The following PARD3B variants were observed in gnomAD, a reference collection of about 807,000 sequenced individuals.
PARD3B encodes the protein par-3 family cell polarity regulator beta, also known as partitioning defective 3 homolog B.
A neutral mutation model predicts 130.2 loss-of-function variants in PARD3B; 103 were observed. The ratio of observed to expected loss-of-function variants is 0.79; its 90% CI spans 0.67 to 0.93. The LOEUF is 0.93. Among genes scored for constraint, PARD3B ranks in the 40% least tolerant of loss-of-function variants. The probability of loss-of-function intolerance (pLI) is 0.00; values close to 1 mark genes in which losing one functional copy is unlikely to be tolerated. For synonymous variants in PARD3B, 583 were observed against 553.2 expected, an observed-to-expected ratio of 1.05 and a Z score of -0.76; for missense variants, 1,609 against 1,499.2, an observed-to-expected ratio of 1.07 and a Z score of -1.21.
intron 15 of PARD3B, among the ~76,000 whole-genome samples, chr2:205,212,891 T>C (rs1422964705): frequency 6.6e-6 from 1 of 152,182 alleles, no homozygotes. Context: ...AAAGCATTAG[T>C]AGTAACTGTA....
At position 205,446,919 on chromosome 2, in the gene PARD3B, G is replaced by T. The variant is rs1314821041; in HGVS notation, c.3044+6247G>T. On this transcript the variant is annotated intron_variant, in intron 20 of 22. Transcript: ENST00000406610. This position sits in a 1 kb window ranked among gnomAD's most constrained non-coding sequence, Gnocchi z 4.4. ...CAAAACAGTTCCAAATAGGGGGCTAGAAGGTATATGTGGCACACAGCACAA... is the reference window on the plus strand; with the variant it reads ...CAAAACAGTTCCAAATAGGGGGCTATAAGGTATATGTGGCACACAGCACAA... Among the ~76,000 whole-genome samples the T allele has an allele frequency of 6.6e-6, 1 of 152,198 alleles. No homozygotes were observed. The highest frequency in any genetic ancestry group is 1.9e-4 in the East Asian group (1 of 5,188).
intron 21 of PARD3B, among the ~76,000 whole-genome samples, chr2:205,510,981 C>T (rs562120475): frequency 6.6e-6 from 1 of 152,300 alleles, no homozygotes; most frequent in Admixed American, 6.5e-5. Flanking sequence ...ATTTCCAAAT[C>T]TCTACTGACT....
In PARD3B at chr2:204,604,026, G is replaced by A. The variant is rs181244569; in HGVS notation, c.120+57907G>A. Among the ~76,000 whole-genome samples the A allele has an allele frequency of 5.9e-5, 9 of 152,264 alleles. No individual in the cohort carries two copies. The East Asian group carries it at 1.7e-3, about 29-fold the overall frequency. The stretch of plus-strand genomic sequence containing the variant: ...CCTGCTGGGTGAGTAATAAATATTT[G>A]TTGAAGGGTTTTGGTCATTTCTGTT... On this transcript the variant is annotated intron_variant, in intron 1 of 22. Coordinates refer to ENST00000406610, the MANE Select transcript of PARD3B (RefSeq NM_001302769.2).
intron 3 of PARD3B, among the ~76,000 whole-genome samples, chr2:204,985,247 CA>C (rs1413951307): frequency 6.6e-6 from 1 of 151,824 alleles, no homozygotes; most frequent in Non-Finnish European, 1.5e-5. Flanking sequence ...CTTCCTTGAA[CA>C]ATTAAAGGAA....
intron 4 of PARD3B, among the ~76,000 whole-genome samples, chr2:205,058,746 A>G (rs1412129149): frequency 6.6e-6 from 1 of 151,828 alleles, no homozygotes; most frequent in Non-Finnish European, 1.5e-5. Flanking sequence ...CTTCTTTGGG[A>G]AACTGTCTTT....
At chr2:205,385,096 T>A (rs79886866) in intron 18 of PARD3B, among the ~76,000 whole-genome samples, 4,921 of 152,218 alleles carry the variant, frequency 0.032, 244 homozygotes, top group African/African-American at 0.11. Flanking sequence ...ACTGATACAA[T>A]AAGAAATCTG....
chr2:205,185,891 G>T (rs1479058522), intron 14 of PARD3B, 28 bp downstream of exon 14: 2 of 1,560,808 alleles, frequency 1.3e-6, no homozygotes, highest in South Asian at 1.1e-5. Flanking sequence ...TATCGTAAAT[G>T]CTCCTTGTTA....
At chr2:205,571,078 A>G (rs1000914660) in intron 22 of PARD3B, among the ~76,000 whole-genome samples, 3 of 152,244 alleles carry the variant, frequency 2.0e-5, no homozygotes, top group African/African-American at 7.2e-5. Flanking sequence ...TTTGAAAAGC[A>G]TAGAGACTTT....
intron 20 of PARD3B, among the ~76,000 whole-genome samples, chr2:205,445,186 C>T (rs1410334787): frequency 6.6e-6 from 1 of 152,110 alleles, no homozygotes; most frequent in African/African-American, 2.4e-5. Flanking sequence ...CCCAAGGTCA[C>T]ACAGCATGGA....
At chr2:204,939,883 C>G (rs991994548) in intron 2 of PARD3B, among the ~76,000 whole-genome samples, 3 of 152,176 alleles carry the variant, frequency 2.0e-5, no homozygotes, top group African/African-American at 7.2e-5. Context: ...ATGCTTTTCT[C>G]AAGCCATTGG....
intron 15 of PARD3B, among the ~76,000 whole-genome samples, chr2:205,224,063 C>CA (rs34894710): frequency 2.1e-4 from 28 of 134,954 alleles, no homozygotes; most frequent in Non-Finnish European, 2.5e-4. Context: ...GACTCCATCT[C>CA]AAAAAAAAAA....
chr2:205,103,692 G>A (rs1275629432), intron 4 of PARD3B: 2 of 985,070 alleles, frequency 2.0e-6, no homozygotes, highest in African/African-American at 3.5e-5. Flanking sequence ...GAACAGCTCT[G>A]AGCCCTAATG....
intron 2 of PARD3B, among the ~76,000 whole-genome samples, chr2:204,693,395 G>A (rs1024359147): frequency 1.2e-4 from 18 of 152,088 alleles, no homozygotes; most frequent in Admixed American, 9.8e-4. Flanking sequence ...GGACAAAAAA[G>A]TCAGTTCATT....
chr2:205,601,661 G>A (rs2054790248), intron 22 of PARD3B, among the ~76,000 whole-genome samples: 1 of 152,062 alleles, frequency 6.6e-6, no homozygotes, highest in African/African-American at 2.4e-5. Context: ...AATCCATCTT[G>A]AGTTAATTTT....
intron 15 of PARD3B, among the ~76,000 whole-genome samples, chr2:205,227,464 C>T (rs6728864): frequency 0.85 from 129,032 of 152,190 alleles, 55,180 homozygotes; most frequent in East Asian, 0.95. Flanking sequence ...AATTTTTGCC[C>T]TGAAATCTAT....
At chr2:205,427,646 G>A (rs547182320) in intron 19 of PARD3B, among the ~76,000 whole-genome samples, 52 of 152,040 alleles carry the variant, frequency 3.4e-4, no homozygotes, top group African/African-American at 1.2e-3. Flanking sequence ...GGATGGAGAA[G>A]ACAGAAATGA....
At chr2:204,791,821 G>T (rs1364075883) in intron 2 of PARD3B, among the ~76,000 whole-genome samples, 4 of 152,104 alleles carry the variant, frequency 2.6e-5, no homozygotes, top group Non-Finnish European at 5.9e-5. Flanking sequence ...AGTAGAAACT[G>T]GAATTGCCTA....
intron 2 of PARD3B, among the ~76,000 whole-genome samples, chr2:204,831,721 A>G (rs1200846371): frequency 6.6e-6 from 1 of 152,194 alleles, no homozygotes; most frequent in Non-Finnish European, 1.5e-5. Flanking sequence ...TTTTGTATTA[A>G]TAGTTCCTAC....
intron 15 of PARD3B, among the ~76,000 whole-genome samples, chr2:205,205,594 G>A (rs966564148): frequency 2.6e-5 from 4 of 152,058 alleles, no homozygotes; most frequent in African/African-American, 4.8e-5. Flanking sequence ...GTCATAAATC[G>A]TTTTTATTAT....
Sources: gnomAD v4.1 joint callset for allele counts (sites outside exome capture counted in the v4.1 genomes callset) on GRCh38, gnomAD v4.1.1 for gene constraint, Gnocchi (gnomAD v3.1) non-coding constraint, MANE v1.5 for transcripts, NCBI Gene and HGNC (gene_info 2026-07-23, HGNC 2026-07-21) for gene names.